MON2: variants seen among roughly 807,000 people sequenced by gnomAD.
The protein encoded by MON2 is protein MON2 homolog.
In MON2, 84 loss-of-function variants were observed where a neutral mutation model predicts 208.6. The ratio of observed to expected loss-of-function variants is 0.40; its 90% confidence interval spans 0.34 to 0.48. The LOEUF is 0.48. MON2 is among the 20% of genes least tolerant of loss of function. The pLI, the probability that MON2 is intolerant of heterozygous loss-of-function variation, is 0.59. For missense variants in MON2, 1,611 were observed against 2,015.4 expected (o/e 0.80, Z 3.84); for synonymous variants, 660 against 694.0 (o/e 0.95, Z 0.77).
Position 62,506,229 on chromosome 12 carries a change from G to A in MON2, c.790-2057G>A, listed in dbSNP as rs762660134. Among the ~76,000 whole-genome samples the A allele has an allele frequency of 1.0e-3, 153 of 152,268 alleles. 1 individual carries two copies. The highest frequency in any genetic ancestry group is 2.5e-4 in the Non-Finnish European group (17 of 68,012). On this transcript the variant is annotated intron_variant, in intron 7 of 34. Transcript: ENST00000393630. Reference sequence around the variant, plus strand: ...TCAGATAAACTAACTGTAGATGTGAGAGTATAATTTCAAATCACTTATCTC... The same window carrying A: ...TCAGATAAACTAACTGTAGATGTGAAAGTATAATTTCAAATCACTTATCTC...
At chr12:62,512,817 T>G (rs1028402372) in intron 8 of MON2, among the ~76,000 whole-genome samples, 3 of 152,222 alleles carry the variant, frequency 2.0e-5, no homozygotes, top group African/African-American at 7.2e-5. Flanking sequence ...AACTTCTGCC[T>G]GGGCATCCAG....
intron 19 of MON2, among the ~76,000 whole-genome samples, chr12:62,539,878 A>G (rs1211318287): frequency 6.6e-6 from 1 of 151,912 alleles, no homozygotes; most frequent in Non-Finnish European, 1.5e-5. Context: ...TTAGCTGGAC[A>G]TGCTCAGTTG....
chr12:62,557,716 C>G (rs1243960628), intron 25 of MON2, among the ~76,000 whole-genome samples: 3 of 151,476 alleles, frequency 2.0e-5, no homozygotes, highest in Non-Finnish European at 4.4e-5. Flanking sequence ...GCACTTTTTT[C>G]TCCTTTTTTC....
chr12:62,551,312 T>C (rs75198063), intron 23 of MON2, among the ~76,000 whole-genome samples: 21 of 152,260 alleles, frequency 1.4e-4, no homozygotes, highest in Admixed American at 5.2e-4. Flanking sequence ...GGGTTATTAA[T>C]TGGCCTAATT....
intron 8 of MON2, among the ~76,000 whole-genome samples, chr12:62,523,406 C>T (rs774251523): frequency 1.3e-5 from 2 of 152,142 alleles, no homozygotes; most frequent in Non-Finnish European, 2.9e-5. Context: ...AGAAGTTGAG[C>T]CACCTGACTC....
chr12:62,557,719 C>CT, intron 25 of MON2, among the ~76,000 whole-genome samples: 1 of 151,142 alleles, frequency 6.6e-6, no homozygotes, highest in African/African-American at 2.4e-5. Context: ...CTTTTTTCTC[C>CT]TTTTTTCCAA....
rs1158977733 is a variant in MON2 at position 62,598,499 on chromosome 12, G to A, written c.*5750G>A. ...TAGAAAAAGAAAATATTAGGCTTCA[G>A]ACCCAACTGTGCAAATTTCATTTGC... is the stretch of plus-strand genomic sequence containing the variant. On this transcript the variant is annotated 3_prime_UTR_variant, in exon 35 of 35. Coordinates refer to ENST00000393630, the MANE Select transcript of MON2 (RefSeq NM_015026.3). 1 of 151,976 alleles carries A rather than the reference G, an allele frequency of 6.6e-6. No homozygotes were observed. The highest frequency in any genetic ancestry group is 6.6e-5 in the Admixed American group (1 of 15,244). 9.4% of individuals were successfully genotyped at this position (151,976 alleles called of 1,614,324 possible). A position where few individuals can be genotyped will look rare whatever the true frequency, so the allele number is the denominator to read the frequency against.
At chr12:62,548,374 AAG>A (rs1434431385) in intron 22 of MON2, among the ~76,000 whole-genome samples, 1 of 152,118 alleles carries the variant, frequency 6.6e-6, no homozygotes, top group African/African-American at 2.4e-5. Context: ...AAAGACAAGG[AAG>A]AGCAAATTTG....
intron 19 of MON2, among the ~76,000 whole-genome samples, chr12:62,541,174 GAGTTTGTGACCAGC>G (rs951496501): frequency 9.2e-5 from 14 of 152,120 alleles, no homozygotes; most frequent in Non-Finnish European, 5.9e-5. Flanking sequence ...CTGAGGCCAG[GAGTTTGTGACCAGC>G]CTGGCCAACA....
chr12:62,517,212 T>TA (rs1340421759), intron 8 of MON2, among the ~76,000 whole-genome samples: 1 of 152,200 alleles, frequency 6.6e-6, no homozygotes, highest in Non-Finnish European at 1.5e-5. Flanking sequence ...GTTAAGACTA[T>TA]AGGAAGAGAA....
intron 8 of MON2, 103 bp from the exon 9 acceptor site, chr12:62,524,412 G>T (rs2072229301): frequency 3.5e-6 from 3 of 859,560 alleles, no homozygotes; most frequent in Admixed American, 5.5e-5. Context: ...TAATCTAAAA[G>T]ATTTTATTGG....
At position 62,498,924 on chromosome 12, in the gene MON2, C is replaced by A; in HGVS notation, c.441C>A (p.Ile147=). 6.3e-7 allele frequency: 1 copy of A among 1,596,190 alleles called. No homozygotes were observed. Among genetic ancestry groups the A allele is most frequent in the Non-Finnish European group, 8.5e-7 (1 of 1,172,936 alleles). Residue 147 remains isoleucine (I), a synonymous_variant, in exon 5 of 35, where the codon ATC becomes ATA. Transcript: ENST00000393630. ...VVHDEALSKA[I]VLCFRLHFTK... ...AATGAAAATTGTGTTTTCAGGCAAT[C>A]GTTCTTTGTTTTCGACTACACTTCA...
At chr12:62,522,077 C>G (rs1565642935) in intron 8 of MON2, among the ~76,000 whole-genome samples, 1 of 151,930 alleles carries the variant, frequency 6.6e-6, no homozygotes, top group East Asian at 1.9e-4. Flanking sequence ...ATCCCACCTT[C>G]TCAGGAGGCT....
At chr12:62,468,348 A>G (rs1399163481) in intron 1 of MON2, among the ~76,000 whole-genome samples, 2 of 152,074 alleles carry the variant, frequency 1.3e-5, no homozygotes, top group Non-Finnish European at 2.9e-5. Flanking sequence ...TTTTATTTTT[A>G]TTCCTATTTA....
intron 8 of MON2, among the ~76,000 whole-genome samples, chr12:62,520,903 C>G (rs1197985959): frequency 7.4e-6 from 1 of 136,050 alleles, no homozygotes; most frequent in African/African-American, 2.8e-5. Context: ...GAGACTCCAT[C>G]TCAAAAAAAA....
intron 7 of MON2, among the ~76,000 whole-genome samples, chr12:62,502,198 C>T (rs926419817): frequency 7.9e-5 from 12 of 151,960 alleles, no homozygotes; most frequent in South Asian, 2.1e-4. Context: ...CCAGCCTAGG[C>T]GACAGAGCAA....
At chr12:62,477,581 A>ATTT (rs541530436) in intron 1 of MON2, among the ~76,000 whole-genome samples, 2 of 128,530 alleles carry the variant, frequency 1.6e-5, no homozygotes. Context: ...CGTTTGCCTA[A>ATTT]TTTTTTTTTT....
Position 62,473,788 on chromosome 12 carries a change from C to T in MON2, c.111+6470C>T, listed in dbSNP as rs561852740. ...GTTTTGCCATGTTGCCTGGGCTGGT[C>T]GCAAACCCCTGAGCTCAAGCAATCC... On this transcript the variant is annotated intron_variant, in intron 1 of 34. Coordinates refer to ENST00000393630, the MANE Select transcript of MON2 (RefSeq NM_015026.3). Among the ~76,000 whole-genome samples the T allele has an allele frequency of 7.9e-5, 12 of 152,158 alleles. No homozygotes were observed. The South Asian group carries it at 1.9e-3, about 24-fold the overall frequency.
At chr12:62,559,717 G>A (rs2074124252) in intron 25 of MON2, among the ~76,000 whole-genome samples, 1 of 151,474 alleles carries the variant, frequency 6.6e-6, no homozygotes, top group African/African-American at 2.4e-5. Flanking sequence ...AGCTCAGTGA[G>A]CCATGATCAT....
Sources: gnomAD v4.1 joint callset for allele counts (sites outside exome capture counted in the v4.1 genomes callset) on GRCh38, gnomAD v4.1.1 for gene constraint, MANE v1.5 for transcripts, NCBI Gene and HGNC (gene_info 2026-07-23, HGNC 2026-07-21) for gene names.